The following OAT variants were observed in gnomAD, a reference collection of about 807,000 sequenced individuals.
The protein encoded by OAT is ornithine aminotransferase.
Under a neutral mutation model 48.4 loss-of-function variants are expected in OAT, and 35 were observed. The observed-to-expected ratio is 0.72, with a 90% CI of 0.55 to 0.96. The LOEUF is 0.96. OAT is among the 40% of genes least tolerant of loss of function. The pLI is 0.00. For synonymous variants in OAT, 182 were observed against 198.4 expected (o/e 0.92, Z 0.70); for missense variants, 438 against 537.9 (o/e 0.81, Z 1.84).
At chr10:124,401,505 G>A (rs963307204) in intron 8 of OAT, among the ~76,000 whole-genome samples, 10 of 152,352 alleles carry the variant, frequency 6.6e-5, no homozygotes, top group African/African-American at 1.9e-4. Flanking sequence ...AGCGCCAGGT[G>A]ACTGTGAACT....
At position 124,403,730 on chromosome 10, in the gene OAT, C is replaced by T; in HGVS notation, c.771+68G>A. On this transcript the variant is annotated intron_variant, in intron 6 of 9. Transcript: ENST00000368845. Reference sequence around the variant, plus strand: ...AATTCAGAGAGGAGTTGGGGAGGAGCCCATTCAGCCTCATCACAAACAGCT... The same window carrying T: ...AATTCAGAGAGGAGTTGGGGAGGAGTCCATTCAGCCTCATCACAAACAGCT... 3.1e-6 allele frequency: 5 copies of T among 1,599,684 alleles called. No individual in the cohort carries two copies. The South Asian group carries it at 4.4e-5, about 14-fold the overall frequency.
intron 5 of OAT, among the ~76,000 whole-genome samples, chr10:124,404,245 G>A (rs1486117297): frequency 2.0e-5 from 3 of 151,390 alleles, no homozygotes; most frequent in African/African-American, 7.3e-5. Flanking sequence ...TGCGCACCAT[G>A]CCCAGCTAAT....
At chr10:124,413,963 A>G (rs993963007) in intron 1 of OAT, among the ~76,000 whole-genome samples, 1 of 152,062 alleles carries the variant, frequency 6.6e-6, no homozygotes, top group Non-Finnish European at 1.5e-5. Flanking sequence ...TGAAGTAAAA[A>G]CTAAGCTATG....
At chr10:124,400,619 G>A (rs967278861) in intron 9 of OAT, among the ~76,000 whole-genome samples, 1 of 152,092 alleles carries the variant, frequency 6.6e-6, no homozygotes, top group Non-Finnish European at 1.5e-5. Flanking sequence ...TGGGCGTGGT[G>A]ACAGGCGCCT....
At chr10:124,412,637 GAA>G (rs890683767) in intron 1 of OAT, among the ~76,000 whole-genome samples, 1 of 150,402 alleles carries the variant, frequency 6.6e-6, no homozygotes, top group Admixed American at 6.6e-5. Flanking sequence ...CTCTATAAAA[GAA>G]AAAAAAAGAG....
At chr10:124,398,277 G>A (rs187519442) in intron 9 of OAT, among the ~76,000 whole-genome samples, 175 bp from the exon 10 acceptor site, 178 of 152,220 alleles carry the variant, frequency 1.2e-3, no homozygotes, top group Non-Finnish European at 5.6e-4. Flanking sequence ...TTGGGAGGCC[G>A]AGGTGGGTGG....
At chr10:124,418,557 C>G (rs1193955111) in intron 1 of OAT, among the ~76,000 whole-genome samples, 1 of 152,236 alleles carries the variant, frequency 6.6e-6, no homozygotes, top group African/African-American at 2.4e-5. Flanking sequence ...TCAGCCTCTC[C>G]CTGCCGCCCG....
chr10:124,416,797 TAA>T (rs1405718752), intron 1 of OAT, among the ~76,000 whole-genome samples: 1 of 151,654 alleles, frequency 6.6e-6, no homozygotes, highest in African/African-American at 2.4e-5. Context: ...ACTTGAGGAG[TAA>T]ATTTGTTCTT....
intron 2 of OAT, among the ~76,000 whole-genome samples, chr10:124,410,642 C>T (rs1004356284): frequency 2.6e-5 from 4 of 151,990 alleles, no homozygotes; most frequent in African/African-American, 7.3e-5. Context: ...CTAATCTCTA[C>T]AAAAAATAAG....
At chr10:124,414,485 T>C (rs1302243575) in intron 1 of OAT, 1 of 152,166 alleles carries the variant, frequency 6.6e-6, no homozygotes, top group African/African-American at 2.4e-5. Context: ...AAGAAGAAGG[T>C]CCATAACTTT....
intron 1 of OAT, among the ~76,000 whole-genome samples, chr10:124,412,895 C>T (rs888951758): frequency 1.3e-5 from 2 of 152,170 alleles, no homozygotes; most frequent in Non-Finnish European, 2.9e-5. Context: ...CTACCACAGT[C>T]CGATACCATC....
At chr10:124,399,634 C>T (rs904181330) in intron 9 of OAT, among the ~76,000 whole-genome samples, 3 of 151,960 alleles carry the variant, frequency 2.0e-5, no homozygotes, top group Admixed American at 1.3e-4. Flanking sequence ...CATAAGACAC[C>T]GCGCCCGGCC....
At chr10:124,415,261 C>G (rs1423065014) in intron 1 of OAT, among the ~76,000 whole-genome samples, 1 of 151,904 alleles carries the variant, frequency 6.6e-6, no homozygotes, top group East Asian at 1.9e-4. Context: ...AAAATAATAT[C>G]ATTCAAAACA....
Position 124,403,858 on chromosome 10 carries a change from G to C in OAT, c.711C>G (p.Gly237=), listed in dbSNP as rs941484898. ...FMVEPIQGEA[G]VVVPDPGYLM... Reference sequence around the variant, plus strand: ...GGTAACCTGGATCCGGAACAACAACGCCTGCTTCACCCTGAATTGGTTCTA... The same window carrying C: ...GGTAACCTGGATCCGGAACAACAACCCCTGCTTCACCCTGAATTGGTTCTA... Residue 237 remains glycine (G), a synonymous_variant, in exon 6 of 10, where the codon GGC becomes GGG. Coordinates refer to ENST00000368845, the MANE Select transcript of OAT (RefSeq NM_000274.4). 3 of 1,613,934 alleles carry C rather than the reference G, an allele frequency of 1.9e-6. No individual in the cohort carries two copies. Among genetic ancestry groups the C allele is most frequent in the Admixed American group, 1.7e-5 (1 of 59,996 alleles).
At chr10:124,401,269 C>T (rs146125117) in intron 8 of OAT, among the ~76,000 whole-genome samples, 56 of 152,300 alleles carry the variant, frequency 3.7e-4, no homozygotes, top group African/African-American at 1.2e-3. Flanking sequence ...CATCAATGGA[C>T]GAAATGTAAT....
In OAT at chr10:124,398,114, T is replaced by C. The variant is rs892494276; in HGVS notation, c.1160-12A>G. 3.1e-6 allele frequency: 5 copies of C among 1,613,648 alleles called. No individual in the cohort carries two copies. Among genetic ancestry groups the C allele is most frequent in the Non-Finnish European group, 4.2e-6 (5 of 1,179,922 alleles). On this transcript the variant is annotated splice_polypyrimidine_tract_variant and intron_variant, in intron 9 of 9. Transcript: ENST00000368845. The stretch of plus-strand genomic sequence containing the variant: ...CCAAGCATCCCAATCTAAAGAAAAA[T>C]AGTAAAACGTACATGCTCAAAGATA...
chr10:124,406,921 G>A (rs1481568647), intron 4 of OAT: 2 of 977,830 alleles, frequency 2.0e-6, no homozygotes, highest in Non-Finnish European at 2.4e-6. Context: ...AGTAAAGCAA[G>A]TGAGCTAGAT....
At position 124,402,887 on chromosome 10, in the gene OAT, C is replaced by T. The variant is rs749068799; in HGVS notation, c.900+40G>A. On this transcript the variant is annotated intron_variant, in intron 7 of 9. Coordinates refer to ENST00000368845, the MANE Select transcript of OAT (RefSeq NM_000274.4). ...ATAAATACTTTAGGGGTATATTTTA[C>T]AAGAGTAGGAAATGGAAAGAGGGGG... is the stretch of plus-strand genomic sequence containing the variant. The T allele has an allele frequency of 1.2e-5, 19 of 1,611,142 alleles. 1 individual carries two copies. Among genetic ancestry groups the T allele is most frequent in the Admixed American group, 1.0e-4 (6 of 59,966 alleles).
At chr10:124,402,372 T>C (rs1031881480) in intron 7 of OAT, among the ~76,000 whole-genome samples, 4 of 152,222 alleles carry the variant, frequency 2.6e-5, no homozygotes, top group African/African-American at 9.7e-5. Context: ...ATTTCTGCAA[T>C]GATATAATTT....
Sources: allele counts gnomAD v4.1 joint callset (sites outside exome capture counted in the v4.1 genomes callset), GRCh38; gene constraint gnomAD v4.1.1; transcripts MANE v1.5; gene names NCBI Gene and HGNC (gene_info 2026-07-23, HGNC 2026-07-21).